Variants in TMEM108 observed in about 807,000 individuals in gnomAD.
TMEM108 encodes the protein transmembrane protein 108.
In TMEM108, 12 loss-of-function variants were observed where a neutral mutation model predicts 35.1. The ratio of observed to expected loss-of-function variants is 0.34; its 90% CI spans 0.22 to 0.55. The LOEUF is 0.55. Ranked by LOEUF, TMEM108 falls within the 20% of genes least tolerant of loss-of-function variation. The probability of loss-of-function intolerance (pLI) is 0.89; values close to 1 mark genes in which losing one functional copy is unlikely to be tolerated. For missense variants in TMEM108, 680 were observed against 753.3 expected, an observed-to-expected ratio of 0.90 and a Z score of 1.14; for synonymous variants, 287 against 308.6, an observed-to-expected ratio of 0.93 and a Z score of 0.73.
At chr3:133,185,784 C>T (rs139821737) in intron 2 of TMEM108, among the ~76,000 whole-genome samples, 142 of 127,076 alleles carry the variant, frequency 1.1e-3, no homozygotes, top group Admixed American at 2.6e-3. Flanking sequence ...CTTTTCTTTT[C>T]TTTTTTTTTT....
intron 2 of TMEM108, among the ~76,000 whole-genome samples, chr3:133,110,230 G>T (rs949850813): frequency 6.6e-6 from 1 of 152,138 alleles, no homozygotes; most frequent in Non-Finnish European, 1.5e-5. Context: ...TTCTGGAGTT[G>T]ATTTGAGTGT....
At chr3:133,188,875 A>G (rs1559862223) in intron 2 of TMEM108, among the ~76,000 whole-genome samples, 1 of 152,182 alleles carries the variant, frequency 6.6e-6, no homozygotes, top group African/African-American at 2.4e-5. Flanking sequence ...GAACTCATCT[A>G]TAATGTAGGT....
chr3:133,118,413 CAAG>C (rs1944313266), intron 2 of TMEM108, among the ~76,000 whole-genome samples: 1 of 151,952 alleles, frequency 6.6e-6, no homozygotes, highest in South Asian at 2.1e-4. Context: ...TTATTCTTTC[CAAG>C]AAGAAGGGAA....
chr3:133,217,970 T>C (rs917311885), intron 2 of TMEM108, among the ~76,000 whole-genome samples: 17 of 152,158 alleles, frequency 1.1e-4, no homozygotes, highest in Non-Finnish European at 2.2e-4. Context: ...GTCATTGGAA[T>C]TTTGATAGGA....
At chr3:133,242,339 G>T (rs926173707) in intron 3 of TMEM108, among the ~76,000 whole-genome samples, 1 of 152,182 alleles carries the variant, frequency 6.6e-6, no homozygotes, top group African/African-American at 2.4e-5. Flanking sequence ...GTTCAGAAAA[G>T]GTGCTCAGTA....
At chr3:133,309,309 C>T (rs959255004) in intron 3 of TMEM108, among the ~76,000 whole-genome samples, 1 of 152,104 alleles carries the variant, frequency 6.6e-6, no homozygotes. Flanking sequence ...TTTCAAAAAA[C>T]CAGCTCCTGG....
At chr3:133,347,374 A>G (rs2071852812) in intron 3 of TMEM108, among the ~76,000 whole-genome samples, 1 of 151,956 alleles carries the variant, frequency 6.6e-6, no homozygotes, top group African/African-American at 2.4e-5. Flanking sequence ...TTTATACCTA[A>G]GTGTTTTCTT....
intron 2 of TMEM108, among the ~76,000 whole-genome samples, chr3:133,065,843 C>T (rs1449800150): frequency 1.3e-5 from 2 of 152,138 alleles, no homozygotes; most frequent in African/African-American, 4.8e-5. Flanking sequence ...CTGAATTTTT[C>T]AGTATAATCG....
chr3:133,071,166 G>A (rs1382204375), intron 2 of TMEM108, among the ~76,000 whole-genome samples: 1 of 152,146 alleles, frequency 6.6e-6, no homozygotes, highest in African/African-American at 2.4e-5. Context: ...TTTACTCACT[G>A]TTTTAGTTTG....
intron 3 of TMEM108, among the ~76,000 whole-genome samples, chr3:133,369,458 C>G (rs1201246224): frequency 6.6e-6 from 1 of 152,148 alleles, no homozygotes; most frequent in Non-Finnish European, 1.5e-5. Flanking sequence ...TTCATTCAGC[C>G]TGCTTGGTCA....
chr3:133,320,517 A>G (rs2071253638), intron 3 of TMEM108, among the ~76,000 whole-genome samples: 1 of 152,196 alleles, frequency 6.6e-6, no homozygotes, highest in South Asian at 2.1e-4. Context: ...GAAATTTTGG[A>G]TTATGTTACA....
At chr3:133,224,024 A>G (rs1946031310) in intron 2 of TMEM108, among the ~76,000 whole-genome samples, 1 of 152,202 alleles carries the variant, frequency 6.6e-6, no homozygotes. Context: ...TCCATGTATT[A>G]TGGGAAGTCT....
chr3:133,309,112 T>G (rs979319758), intron 3 of TMEM108, among the ~76,000 whole-genome samples: 9 of 152,236 alleles, frequency 5.9e-5, no homozygotes, highest in African/African-American at 1.9e-4. Flanking sequence ...ATCCAGGAAT[T>G]TATCCATTTC....
chr3:133,046,702 G>A (rs1168140918), intron 2 of TMEM108, among the ~76,000 whole-genome samples: 1 of 152,170 alleles, frequency 6.6e-6, no homozygotes, highest in African/African-American at 2.4e-5. Context: ...ACCAGAAGGA[G>A]AAATTAACTG....
chr3:133,306,831 T>C (rs909009691), intron 3 of TMEM108, among the ~76,000 whole-genome samples: 4 of 151,636 alleles, frequency 2.6e-5, no homozygotes, highest in Non-Finnish European at 5.9e-5. Context: ...TAAACATACG[T>C]GTGTGTGTGT....
chr3:133,276,694 T>G (rs1202669787), intron 3 of TMEM108, among the ~76,000 whole-genome samples: 1 of 151,994 alleles, frequency 6.6e-6, no homozygotes, highest in Non-Finnish European at 1.5e-5. Flanking sequence ...TGGTGGGCGT[T>G]TGTTGAGAGC....
chr3:133,061,930 C>T (rs1943541808), intron 2 of TMEM108, among the ~76,000 whole-genome samples: 1 of 152,156 alleles, frequency 6.6e-6, no homozygotes, highest in Non-Finnish European at 1.5e-5. Flanking sequence ...ATGTGTAGAC[C>T]TCCAGTACCA....
chr3:133,268,177 G>T (rs942416864), intron 3 of TMEM108, among the ~76,000 whole-genome samples: 4 of 152,220 alleles, frequency 2.6e-5, no homozygotes, highest in Non-Finnish European at 5.9e-5. Flanking sequence ...AATTGATGAT[G>T]TCAGATTTAC....
intron 4 of TMEM108, 22 bp downstream of exon 4, chr3:133,381,183 C>A (rs775695708): frequency 5.1e-5 from 80 of 1,566,196 alleles, no homozygotes; most frequent in Non-Finnish European, 6.9e-5. Flanking sequence ...CCTCTCCCAC[C>A]CATCCTCTCC....
Sources: gnomAD v4.1 joint callset for allele counts (sites outside exome capture counted in the v4.1 genomes callset) on GRCh38, gnomAD v4.1.1 for gene constraint, MANE v1.5 for transcripts, NCBI Gene and HGNC (gene_info 2026-07-23, HGNC 2026-07-21) for gene names.